PDE3A: variants seen among roughly 807,000 people sequenced by gnomAD.
PDE3A encodes cGMP-inhibited 3',5'-cyclic phosphodiesterase 3A.
Under a neutral mutation model 98.3 loss-of-function variants are expected in PDE3A, and 43 were observed. The ratio of observed to expected loss-of-function variants is 0.44; its 90% CI spans 0.34 to 0.56. PDE3A has a LOEUF of 0.56. Ranked by LOEUF, PDE3A falls within the 20% of genes least tolerant of loss-of-function variation. PDE3A has a pLI of 0.01. For missense variants in PDE3A, 1,427 were observed against 1,440.7 expected, an observed-to-expected ratio of 0.99 and a Z score of 0.15; for synonymous variants, 663 against 567.9, an observed-to-expected ratio of 1.17 and a Z score of -2.38.
chr12:20,594,919 A>T (rs555410396), intron 2 of PDE3A, among the ~76,000 whole-genome samples: 13 of 152,216 alleles, frequency 8.5e-5, no homozygotes, highest in African/African-American at 3.1e-4. Flanking sequence ...AGACTTGTAG[A>T]TCGATACATT....
chr12:20,561,270 T>C lies in PDE3A; in HGVS notation c.1011+4560T>C, dbSNP rs910101633. On this transcript the variant is annotated intron_variant, in intron 2 of 15. Coordinates refer to ENST00000359062, the MANE Select transcript of PDE3A (RefSeq NM_000921.5). ...GAGGCTCTGCTAAAAAAAAAAGATA[T>C]TTCTAATAGAAAGAGAGAAAAGAAA... Among the ~76,000 whole-genome samples, 5 of 151,920 alleles carry C rather than the reference T, an allele frequency of 3.3e-5. No homozygotes were observed. The South Asian group carries it at 1.0e-3, about 32-fold the overall frequency.
intron 2 of PDE3A, among the ~76,000 whole-genome samples, chr12:20,607,193 C>A (rs993522086): frequency 6.6e-6 from 1 of 152,038 alleles, no homozygotes; most frequent in South Asian, 2.1e-4. Context: ...AATTTCAACA[C>A]TTTGGGAGGC....
At chr12:20,671,891 G>A (rs1249368604) in intron 15 of PDE3A, among the ~76,000 whole-genome samples, 2 of 146,430 alleles carry the variant, frequency 1.4e-5, no homozygotes, top group African/African-American at 5.1e-5. Context: ...ATTCAATTAG[G>A]AAAAGAGGAA....
In PDE3A at chr12:20,427,773, T is replaced by A. The variant is rs77366117; in HGVS notation, c.960+57529T>A. On this transcript the variant is annotated intron_variant, in intron 1 of 15. Transcript: ENST00000359062. ...TAAAGAAGATGATCTAAATCCAGAA[T>A]TAAAAGGCACAGTCACATTTTTTTT... Among the ~76,000 whole-genome samples the A allele has an allele frequency of 2.0e-3, 306 of 152,214 alleles. 9 individuals carry two copies. The East Asian group carries it at 0.054, about 27-fold the overall frequency.
At chr12:20,462,839 G>A (rs1051657066) in intron 1 of PDE3A, among the ~76,000 whole-genome samples, 1 of 151,722 alleles carries the variant, frequency 6.6e-6, no homozygotes, top group Non-Finnish European at 1.5e-5. Context: ...CATCTAGGCT[G>A]GGGTGCAGTG....
chr12:20,374,668 C>T (rs1390188051), intron 1 of PDE3A, among the ~76,000 whole-genome samples: 1 of 152,012 alleles, frequency 6.6e-6, no homozygotes, highest in African/African-American at 2.4e-5. Flanking sequence ...AATTTTACTT[C>T]TATTTTAAGC....
chr12:20,536,848 C>T (rs1186047979), intron 1 of PDE3A, among the ~76,000 whole-genome samples: 1 of 151,986 alleles, frequency 6.6e-6, no homozygotes, highest in Non-Finnish European at 1.5e-5. Context: ...CTGCTATTAA[C>T]ATTTGTGTTC....
chr12:20,373,857 T>A (rs917247678), intron 1 of PDE3A, among the ~76,000 whole-genome samples: 2 of 151,928 alleles, frequency 1.3e-5, no homozygotes, highest in African/African-American at 4.8e-5. Context: ...ATAGGAGAAA[T>A]GGGTATGGTG....
At chr12:20,622,496 A>G (rs1166479708) in intron 5 of PDE3A, among the ~76,000 whole-genome samples, 1 of 152,146 alleles carries the variant, frequency 6.6e-6, no homozygotes, top group Non-Finnish European at 1.5e-5. Context: ...AAGGTAATCT[A>G]CTTTTCCAAC....
intron 1 of PDE3A, among the ~76,000 whole-genome samples, chr12:20,551,245 G>C (rs2121251817): frequency 6.6e-6 from 1 of 151,820 alleles, no homozygotes; most frequent in South Asian, 2.1e-4. Context: ...TTTTTACTAG[G>C]GTTGGGATTC....
chr12:20,642,266 A>G (rs1348222787), intron 10 of PDE3A, among the ~76,000 whole-genome samples: 1 of 152,140 alleles, frequency 6.6e-6, no homozygotes, highest in East Asian at 1.9e-4. Context: ...AAGCTTTTAA[A>G]TTTGTAATTA....
intron 2 of PDE3A, 179 bp downstream of exon 2, chr12:20,556,889 G>A (rs558669298): frequency 9.2e-6 from 6 of 649,570 alleles, no homozygotes; most frequent in Non-Finnish European, 1.7e-5. Flanking sequence ...AAAGGCAGAT[G>A]CCAGGATATT....
In PDE3A at chr12:20,687,395, GCTTTA is replaced by G. The variant is rs1945998814; in HGVS notation, c.*7128_*7132del. Reference sequence around the variant, plus strand: ...ATTACCTGTTAGTGAGGTTTTAATGGCTTTACTTAATACATATTTGTTCATCAGCT... The same window carrying G: ...ATTACCTGTTAGTGAGGTTTTAATGGCTTAATACATATTTGTTCATCAGCT... On this transcript the variant is annotated 3_prime_UTR_variant, in exon 16 of 16. Coordinates refer to ENST00000359062, the MANE Select transcript of PDE3A (RefSeq NM_000921.5). Among the ~76,000 whole-genome samples the G allele has an allele frequency of 6.6e-6, 1 of 151,654 alleles. No individual in the cohort carries two copies. Among genetic ancestry groups the G allele is most frequent in the Admixed American group, 6.6e-5 (1 of 15,198 alleles).
chr12:20,552,178 A>T lies in PDE3A; in HGVS notation c.961-4482A>T. 6.2e-7 allele frequency: 1 copy of T among 1,613,806 alleles called. No individual in the cohort carries two copies. Among genetic ancestry groups the T allele is most frequent in the African/African-American group, 1.3e-5 (1 of 75,046 alleles). ...GGCTCTCAACTGCTTTGCTCCCATC[A>T]ATGACCAAGAAGGGGCCGAGGCCAA... On this transcript the variant is annotated intron_variant, in intron 1 of 15. Transcript: ENST00000359062. This position sits in a 1 kb window ranked among gnomAD's most constrained non-coding sequence, Gnocchi z 5.1.
chr12:20,372,233 C>A (rs140632602), intron 1 of PDE3A, among the ~76,000 whole-genome samples: 2 of 152,062 alleles, frequency 1.3e-5, no homozygotes, highest in Middle Eastern at 3.2e-3. Flanking sequence ...CTGATTAATG[C>A]TGTTGGAAAA....
rs528574399 is a variant in PDE3A, at chr12:20,658,383, TA to T, written c.3184+4188del. ...CATCCAGCCCAGGTACCAGGTCCTT[TA>T]AAAAAAAAATTCTACCTAATTTTCC... On this transcript the variant is annotated intron_variant, in intron 15 of 15. Transcript: ENST00000359062. Among the ~76,000 whole-genome samples, 14 of 150,616 alleles carry T rather than the reference TA, an allele frequency of 9.3e-5. No individual in the cohort carries two copies. In the East Asian group the frequency reaches 1.2e-3, roughly 13 times the overall value.
intron 1 of PDE3A, among the ~76,000 whole-genome samples, chr12:20,445,782 A>G (rs1332390415): frequency 6.6e-6 from 1 of 152,034 alleles, no homozygotes; most frequent in Admixed American, 6.6e-5. Context: ...ATTGCCCTGT[A>G]CTCATTTTTT....
At chr12:20,512,828 T>G (rs1394829538) in intron 1 of PDE3A, among the ~76,000 whole-genome samples, 2 of 152,134 alleles carry the variant, frequency 1.3e-5, no homozygotes, top group African/African-American at 4.8e-5. Context: ...AGTTGTTCAC[T>G]GGGAGAAAAA....
chr12:20,563,906 C>A (rs1446587123), intron 2 of PDE3A, among the ~76,000 whole-genome samples: 1 of 152,040 alleles, frequency 6.6e-6, no homozygotes, highest in African/African-American at 2.4e-5. Context: ...TTACTCTTCC[C>A]CCACTCTTTG....
Sources: gnomAD v4.1 joint callset for allele counts (sites outside exome capture counted in the v4.1 genomes callset) on GRCh38, gnomAD v4.1.1 for gene constraint, Gnocchi (gnomAD v3.1) non-coding constraint, MANE v1.5 for transcripts, NCBI Gene and HGNC (gene_info 2026-07-23, HGNC 2026-07-21) for gene names.